TTN: variants seen among roughly 807,000 people sequenced by gnomAD.
TTN encodes the protein titin.
Under a neutral mutation model 3,223.0 loss-of-function variants are expected in TTN, and 1,525 were observed. That is an observed-to-expected ratio of 0.47 (90% CI 0.45 to 0.49). The LOEUF (loss-of-function observed/expected upper bound fraction) is 0.49, where lower values mean the gene tolerates loss of function less well. Ranked by LOEUF, TTN falls within the 20% of genes least tolerant of loss-of-function variation. The pLI is 0.00. For missense variants in TTN, 40,786 were observed against 43,424.0 expected, an observed-to-expected ratio of 0.94 and a Z score of 5.40; for synonymous variants, 14,094 against 15,161.0, an observed-to-expected ratio of 0.93 and a Z score of 5.17.
intron 165 of TTN, 143 bp from the exon 166 acceptor site, chr2:178,665,069 G>C: frequency 9.8e-7 from 1 of 1,015,456 alleles, no homozygotes; most frequent in South Asian, 1.7e-5. Context: ...AGTCTTTTAA[G>C]GGGTTAGTGG....
In TTN at chr2:178,739,139, A is replaced by T. The variant is rs1163342151; in HGVS notation, c.14092+2T>A. 1 of 1,503,260 alleles carries T rather than the reference A, an allele frequency of 6.7e-7. No individual in the cohort carries two copies. The highest frequency in any genetic ancestry group is 8.9e-7 in the Non-Finnish European group (1 of 1,127,634). 93.1% of individuals were successfully genotyped at this position (1,503,260 alleles called of 1,614,324 possible). ...TGATCTATTTTATCCTTAAAATCCA[A>T]CCTCTTTTTACTACAGTGAGTTTGG... is the stretch of plus-strand genomic sequence containing the variant. On this transcript the variant is annotated splice_donor_variant, in intron 48 of 362. Coordinates refer to ENST00000589042, the MANE Select transcript of TTN (RefSeq NM_001267550.2). LOFTEE classifies it high-confidence loss of function.
In TTN at chr2:178,724,094, C is replaced by T; in HGVS notation, c.21165G>A (p.Gly7055=). The change falls in exon 73 of 363, where the codon GGG becomes GGA. Residue 7055 remains glycine, a synonymous_variant. Coordinates refer to ENST00000589042, the MANE Select transcript of TTN (RefSeq NM_001267550.2). ...SFTRRLKNTG[G]VLGASCILEC... ...CCAAGATGCAAGAAGCACCTAACACCCCACCAGTATTTTTCAGTCTTCGTG... is the reference window on the plus strand; with the variant it reads ...CCAAGATGCAAGAAGCACCTAACACTCCACCAGTATTTTTCAGTCTTCGTG... 1.2e-6 allele frequency: 2 copies of T among 1,613,266 alleles called. No homozygotes were observed. The highest frequency in any genetic ancestry group is 1.1e-5 in the South Asian group (1 of 91,024).
intron 6 of TTN, among the ~76,000 whole-genome samples, chr2:178,795,930 GCC>G (rs949323503): frequency 2.0e-5 from 3 of 152,124 alleles, no homozygotes. Flanking sequence ...GTTTACACTC[GCC>G]CCCCTTGTAT....
rs1165849283 is a variant in TTN, at chr2:178,627,040, G to A, written c.44425-1644C>T. Among the ~76,000 whole-genome samples, 2 of 151,910 alleles carry A rather than the reference G, an allele frequency of 1.3e-5. 1 individual carries two copies. Among genetic ancestry groups the A allele is most frequent in the East Asian group, 3.9e-4 (2 of 5,156 alleles). On this transcript the variant is annotated intron_variant, in intron 240 of 362. Transcript: ENST00000589042. ...AATGTTGAAGATTTTGCAGTAGATTGTAAGAATAATGTTAGAGATTTTAAA... is the reference window on the plus strand; with the variant it reads ...AATGTTGAAGATTTTGCAGTAGATTATAAGAATAATGTTAGAGATTTTAAA...
chr2:178,766,451 T>G lies in TTN; in HGVS notation c.9633A>C (p.Arg3211Ser), dbSNP rs753709846. 2 of 1,614,198 alleles carry G rather than the reference T, an allele frequency of 1.2e-6. No individual in the cohort carries two copies. Among genetic ancestry groups the G allele is most frequent in the Non-Finnish European group, 1.7e-6 (2 of 1,180,006 alleles). ...RIHRMFISET[R>S]QSDAGEYTFV... ...AGGTGTATTCTCCTGCATCGCTCTG[T>G]CTGGTCTCAGAGATAAACATTCGGT... Residue 3211 changes from arginine (R) to serine (S), a missense_variant, in exon 41 of 363, where the codon AGA (arginine) becomes AGC (serine). Arg to Ser is a moderately radical substitution (Grantham distance 110, BLOSUM62 -1). Transcript: ENST00000589042.
chr2:178,603,019 T>C (rs1193758380), intron 282 of TTN, among the ~76,000 whole-genome samples: 1 of 152,030 alleles, frequency 6.6e-6, no homozygotes, highest in Non-Finnish European at 1.5e-5. Context: ...CTAATCTTAA[T>C]GCCCTTTAGG....
chr2:178,692,226 C>G (rs2072634423), intron 120 of TTN, 127 bp from the exon 121 acceptor site: 1 of 939,822 alleles, frequency 1.1e-6, no homozygotes, highest in East Asian at 2.6e-5. Flanking sequence ...AATATGCCTA[C>G]TTGTGGTAGA....
In TTN at chr2:178,539,928, C is replaced by T; in HGVS notation, c.98137G>A (p.Gly32713Ser). ...DYELDERYQEGIFVRQGGVIR... is the reference protein window; with the variant it reads ...DYELDERYQESIFVRQGGVIR... ...ACGCCACCTTGCCTTACAAAGATAC[C>T]TTCTTGGTATCTTTCATCAAGTTCA... Residue 32713 changes from glycine to serine, a missense_variant, in exon 352 of 363, where the codon GGT (glycine) becomes AGT (serine). Transcript: ENST00000589042. The T allele has an allele frequency of 1.2e-6, 2 of 1,613,612 alleles. No individual in the cohort carries two copies. Among genetic ancestry groups the T allele is most frequent in the Non-Finnish European group, 1.7e-6 (2 of 1,179,692 alleles).
At position 178,734,485 on chromosome 2, in the gene TTN, T is replaced by C. The variant is rs923024807; in HGVS notation, c.15339A>G (p.Lys5113=). The change falls in exon 52 of 363, where the codon AAA becomes AAG. Residue 5113 remains lysine (K), a synonymous_variant. Coordinates refer to ENST00000589042, the MANE Select transcript of TTN (RefSeq NM_001267550.2). The part of the protein sequence containing the change: ...PFEISWFKDK[K]QIRSSKKYRL... Reference sequence around the variant, plus strand: ...TGTATTTTTTACTACTTCGAATTTGTTTCTTGTCTTTGAACCAGCTAATTT... The same window carrying C: ...TGTATTTTTTACTACTTCGAATTTGCTTCTTGTCTTTGAACCAGCTAATTT... 2 of 1,613,774 alleles carry C rather than the reference T, an allele frequency of 1.2e-6. No individual in the cohort carries two copies. The highest frequency in any genetic ancestry group is 1.7e-5 in the Admixed American group (1 of 60,014).
intron 335 of TTN, 33 bp from the exon 336 acceptor site, chr2:178,551,293 T>C: frequency 1.3e-6 from 2 of 1,575,000 alleles, no homozygotes; most frequent in African/African-American, 1.4e-5. Context: ...AATGCATCAT[T>C]ACATTTGTAA....
rs2062656094 is a variant in TTN, at chr2:178,649,877, T to C, written c.39835A>G (p.Lys13279Glu). ...GGAACTTTCTTCTCTGGGATGATCT[T>C]CTTGGGCTCTTCAGGCACTTGAATA... is the stretch of plus-strand genomic sequence containing the variant. ...PPPAVPEEPK[K>E]IIPEKKVPVI... The change falls in exon 211 of 363, where the codon AAG (lysine) becomes GAG (glutamate). Residue 13279 changes from lysine to glutamate, a missense_variant. Transcript: ENST00000589042. The C allele has an allele frequency of 6.8e-6, 11 of 1,611,160 alleles. No homozygotes were observed. Among genetic ancestry groups the C allele is most frequent in the Admixed American group, 1.7e-5 (1 of 59,434 alleles).
rs886042147 is a variant in TTN, at chr2:178,721,029, C to A, written c.22990G>T (p.Ala7664Ser). 1 of 1,613,338 alleles carries A rather than the reference C, an allele frequency of 6.2e-7. No individual in the cohort carries two copies. ...CTAGCTTCATTGATCGTAAGCAATG[C>A]CACAGAATTAATGAATGACATGTTG... Reference protein sequence around the residue: ...KYNMSFINSVALLTINEASAE... With the variant: ...KYNMSFINSVSLLTINEASAE... Residue 7664 changes from alanine to serine, a missense_variant, in exon 79 of 363, where the codon GCA becomes TCA. Transcript: ENST00000589042.
In TTN at chr2:178,604,874, A is replaced by T; in HGVS notation, c.54215T>A (p.Leu18072His). ...TTCAGCTTTAATGTCAGTAACAGCAAGATTTCTTGGTGGGGATGGGCGGTC... is the reference window on the plus strand; with the variant it reads ...TTCAGCTTTAATGTCAGTAACAGCATGATTTCTTGGTGGGGATGGGCGGTC... ...VYDRPSPPRNLAVTDIKAESC... is the reference protein window; with the variant it reads ...VYDRPSPPRNHAVTDIKAESC... The change falls in exon 281 of 363, where the codon CTT becomes CAT. Residue 18072 changes from leucine (L) to histidine (H), a missense_variant. By Grantham distance (99) the Leu-to-His change is moderately conservative. Transcript: ENST00000589042. The T allele has an allele frequency of 6.2e-7, 1 of 1,612,098 alleles. No homozygotes were observed. The highest frequency in any genetic ancestry group is 8.5e-7 in the Non-Finnish European group (1 of 1,178,932).
Position 178,728,353 on chromosome 2 carries a change from C to T in TTN, c.19471G>A (p.Asp6491Asn), listed in dbSNP as rs2079733131. ...TGAATAGAAGAGCCCAGAACTTTAT[C>T]CATTTTGGTTAATTTTTTGGTGAAT... ...PSFTKKLTKM[D>N]KVLGSSIHME... Residue 6491 changes from aspartate to asparagine, a missense_variant, in exon 67 of 363, where the codon GAT (aspartate) becomes AAT (asparagine). Asp to Asn is a conservative substitution (Grantham distance 23). Transcript: ENST00000589042. 1 of 1,605,792 alleles carries T rather than the reference C, an allele frequency of 6.2e-7. No individual in the cohort carries two copies. The highest frequency in any genetic ancestry group is 1.1e-5 in the South Asian group (1 of 89,462).
At position 178,789,513 on chromosome 2, in the gene TTN, A is replaced by C; in HGVS notation, c.1939-16T>G. The C allele has an allele frequency of 1.2e-6, 2 of 1,612,902 alleles. No individual in the cohort carries two copies. The highest frequency in any genetic ancestry group is 8.5e-7 in the Non-Finnish European group (1 of 1,179,296). On this transcript the variant is annotated splice_polypyrimidine_tract_variant and intron_variant, in intron 12 of 362. Transcript: ENST00000589042. ...CCTTTCTCATCTGATTATTACAGTA[A>C]AATCAAGATTTAAGTTGAACAGGGC...
chr2:178,716,829 T>C (rs1468065877), intron 88 of TTN, among the ~76,000 whole-genome samples: 2 of 152,212 alleles, frequency 1.3e-5, no homozygotes, highest in African/African-American at 4.8e-5. Flanking sequence ...TCTTGCAATT[T>C]TGTAGAGTTT....
intron 2 of TTN, among the ~76,000 whole-genome samples, chr2:178,803,414 T>C (rs530210265): frequency 2.9e-4 from 44 of 152,038 alleles, no homozygotes; most frequent in African/African-American, 1.0e-3. Context: ...ACCAGATAAA[T>C]AGGTAAATTA....
Position 178,573,769 on chromosome 2 carries a change from G to C in TTN, c.72363C>G (p.Asp24121Glu), listed in dbSNP as rs919790172. 1 of 1,604,892 alleles carries C rather than the reference G, an allele frequency of 6.2e-7. No homozygotes were observed. The highest frequency in any genetic ancestry group is 1.3e-5 in the African/African-American group (1 of 74,604). Residue 24121 changes from aspartate to glutamate, a missense_variant, in exon 326 of 363, where the codon GAC becomes GAG. Transcript: ENST00000589042. ...AKHIFNVKVL[D>E]RPGPPEGPLA... ...AAGGTCCTTCAGGTGGGCCTGGTCT[G>C]TCAAGAACTTTGACATTGAAAATGT... is the stretch of plus-strand genomic sequence containing the variant.
In TTN at chr2:178,722,918, C is replaced by A. The variant is rs775230627; in HGVS notation, c.21981G>T (p.Thr7327=). ...CTGCTGCCTCCAGAGGTTCCAGTTC[C>A]GTAACAAAATAAGGCGGTTCTAAGG... ...VSTLEPPYFV[T]ELEPLEAAVG... Residue 7327 remains threonine (T), a synonymous_variant, in exon 76 of 363, where the codon ACG becomes ACT. Coordinates refer to ENST00000589042, the MANE Select transcript of TTN (RefSeq NM_001267550.2). 9.9e-6 allele frequency: 16 copies of A among 1,611,064 alleles called. No individual in the cohort carries two copies. Among genetic ancestry groups the A allele is most frequent in the Non-Finnish European group, 1.4e-5 (16 of 1,178,554 alleles).
Sources: gnomAD v4.1 joint callset for allele counts (sites outside exome capture counted in the v4.1 genomes callset) on GRCh38, gnomAD v4.1.1 for gene constraint, MANE v1.5 for transcripts, NCBI Gene and HGNC (gene_info 2026-07-23, HGNC 2026-07-21) for gene names.